Variants in DIAPH2 observed in about 807,000 individuals in gnomAD.
DIAPH2 encodes the protein diaphanous related formin 2.
DIAPH2 carries 35 observed loss-of-function variants against 92.7 expected under a neutral mutation model. The observed-to-expected ratio is 0.38, with a 90% CI of 0.29 to 0.50. The LOEUF (loss-of-function observed/expected upper bound fraction) is 0.50, where lower values mean the gene tolerates loss of function less well. DIAPH2 is among the 20% of genes least tolerant of loss of function. The pLI is 0.94. For missense variants in DIAPH2, 701 were observed against 819.5 expected, an observed-to-expected ratio of 0.86 and a Z score of 1.77; for synonymous variants, 301 against 280.4, an observed-to-expected ratio of 1.07 and a Z score of -0.73.
intron 19 of DIAPH2, among the ~76,000 whole-genome samples, chrX:97,084,653 A>G (rs1447138612): frequency 2.7e-5 from 3 of 111,182 alleles, no homozygotes; most frequent in Non-Finnish European, 3.8e-5. Flanking sequence ...TTCATGCTTT[A>G]TGTTGTATTT....
intron 23 of DIAPH2, among the ~76,000 whole-genome samples, chrX:97,305,698 C>T (rs2068740465): frequency 9.3e-6 from 1 of 107,960 alleles, no homozygotes; most frequent in South Asian, 4.2e-4. Context: ...TGGTGCGTGC[C>T]TGTAATCCCA....
At chrX:97,179,560 A>G (rs375183724) in intron 22 of DIAPH2, among the ~76,000 whole-genome samples, 27 of 111,512 alleles carry the variant, frequency 2.4e-4, no homozygotes, top group African/African-American at 8.8e-4. Flanking sequence ...TTACGGCTGC[A>G]TAGTATTCCA....
chrX:96,885,553 AATATAGTATTT>A (rs781145793), intron 5 of DIAPH2: 12 of 114,601 alleles, frequency 1.0e-4, no homozygotes, highest in Non-Finnish European at 1.6e-4. Context: ...TCTCTTGCTC[AATATAGTATTT>A]AGTATTTGAT....
chrX:96,751,541 A>G (rs1041833145), intron 3 of DIAPH2, among the ~76,000 whole-genome samples: 9 of 101,137 alleles, frequency 8.9e-5, no homozygotes, highest in African/African-American at 3.2e-4. Flanking sequence ...TCGACACTGC[A>G]CTCCAGCCTG....
intron 26 of DIAPH2, among the ~76,000 whole-genome samples, chrX:97,595,608 C>A (rs567082026): frequency 1.9e-5 from 2 of 107,103 alleles, no homozygotes; most frequent in African/African-American, 6.8e-5. Context: ...CTCTTTCTTT[C>A]TTTTCTCTTT....
intron 26 of DIAPH2, among the ~76,000 whole-genome samples, chrX:97,498,350 C>T (rs956969614): frequency 4.5e-5 from 5 of 111,584 alleles, no homozygotes; most frequent in Non-Finnish European, 9.4e-5. Flanking sequence ...CATACATATC[C>T]GTTTCTGCAT....
At chrX:97,330,718 G>C (rs2068994478) in intron 23 of DIAPH2, among the ~76,000 whole-genome samples, 1 of 110,580 alleles carries the variant, frequency 9.0e-6, no homozygotes, top group South Asian at 3.9e-4. Context: ...TCACCATGTT[G>C]GTCAGGATGG....
chrX:97,165,241 G>A (rs2067402938), intron 22 of DIAPH2, among the ~76,000 whole-genome samples: 1 of 111,433 alleles, frequency 9.0e-6, no homozygotes, highest in African/African-American at 3.3e-5. Flanking sequence ...CCTTCTGATA[G>A]TGTGTTCAGA....
chrX:97,538,133 C>T (rs1299294425), intron 26 of DIAPH2, among the ~76,000 whole-genome samples: 1 of 110,787 alleles, frequency 9.0e-6, no homozygotes, highest in Non-Finnish European at 1.9e-5. Context: ...ATCTGCCCGC[C>T]TCGGCCTCCC....
At chrX:96,842,038 A>G (rs1016418382) in intron 4 of DIAPH2, among the ~76,000 whole-genome samples, 1 of 111,121 alleles carries the variant, frequency 9.0e-6, no homozygotes, top group African/African-American at 3.3e-5. Context: ...TTAAGGCAGG[A>G]ACCGGCCATT....
In DIAPH2 at chrX:96,934,459, T is replaced by A. The variant is rs181762853; in HGVS notation, c.1090-2774T>A. Among the ~76,000 whole-genome samples the A allele has an allele frequency of 2.2e-4, 25 of 111,814 alleles. 1 individual carries two copies. In the East Asian group the frequency reaches 6.5e-3, roughly 29 times the overall value. On this transcript the variant is annotated intron_variant, in intron 10 of 26. Transcript: ENST00000324765. ...TGGTACATGGATGAAAAATTATATG[T>A]ATCTAGAACCAGTATGAGTTGGGAA...
chrX:96,707,630 A>G (rs2063893584), intron 1 of DIAPH2, among the ~76,000 whole-genome samples: 1 of 109,221 alleles, frequency 9.2e-6, no homozygotes, highest in Non-Finnish European at 1.9e-5. Context: ...CCTGGGAGAC[A>G]GAGTGAGACT....
chrX:97,448,888 AAT>A (rs1225882467), intron 26 of DIAPH2, among the ~76,000 whole-genome samples: 2 of 112,031 alleles, frequency 1.8e-5, no homozygotes, highest in Non-Finnish European at 3.8e-5. Context: ...CTGATGGCTT[AAT>A]ATAATAGCTA....
intron 17 of DIAPH2, among the ~76,000 whole-genome samples, chrX:97,037,108 C>T (rs1466173322): frequency 9.0e-6 from 1 of 111,429 alleles, no homozygotes; most frequent in Non-Finnish European, 1.9e-5. Context: ...CTGAATCATT[C>T]ATACAATTGA....
chrX:97,275,574 G>A (rs1188275652), intron 23 of DIAPH2, among the ~76,000 whole-genome samples: 15 of 104,455 alleles, frequency 1.4e-4, no homozygotes, highest in South Asian at 4.6e-4. Context: ...GGCGGCTGCC[G>A]GGCAGAGGGG....
In DIAPH2 at chrX:97,181,195, G is replaced by A. The variant is rs758807889; in HGVS notation, c.2719+39401G>A. On this transcript the variant is annotated intron_variant, in intron 22 of 26. Coordinates refer to ENST00000324765, the MANE Select transcript of DIAPH2 (RefSeq NM_006729.5). Reference sequence around the variant, plus strand: ...AGTGATTCTCTTGTTTCAGCCTCCCGAGTGGGGATTACAGGCATGTGCCAC... The same window carrying A: ...AGTGATTCTCTTGTTTCAGCCTCCCAAGTGGGGATTACAGGCATGTGCCAC... Among the ~76,000 whole-genome samples the A allele has an allele frequency of 1.3e-4, 14 of 109,051 alleles. No individual in the cohort carries two copies. The South Asian group carries it at 1.6e-3, about 13-fold the overall frequency. 94.7% of individuals were successfully genotyped at this position (109,051 alleles called of 115,157 possible).
At chrX:96,805,053 C>G (rs1461709877) in intron 4 of DIAPH2, among the ~76,000 whole-genome samples, 1 of 110,914 alleles carries the variant, frequency 9.0e-6, no homozygotes, top group African/African-American at 3.3e-5. Flanking sequence ...GGTGATAACC[C>G]TGGCAACTTA....
intron 23 of DIAPH2, among the ~76,000 whole-genome samples, chrX:97,253,864 A>T (rs2068212270): frequency 1.8e-5 from 2 of 112,432 alleles, no homozygotes; most frequent in Non-Finnish European, 3.8e-5. Context: ...TTATTCAGCA[A>T]CTATTGCAAT....
intron 26 of DIAPH2, among the ~76,000 whole-genome samples, chrX:97,506,451 CTTTTTT>C (rs34941076): frequency 1.2e-3 from 69 of 55,475 alleles, no homozygotes; most frequent in African/African-American, 3.9e-3. Flanking sequence ...ATGCCCAGCC[CTTTTTT>C]TTTTTTTTTT....
Sources: allele counts gnomAD v4.1 joint callset (sites outside exome capture counted in the v4.1 genomes callset), GRCh38; gene constraint gnomAD v4.1.1; transcripts MANE v1.5; gene names NCBI Gene and HGNC (gene_info 2026-07-23, HGNC 2026-07-21).